The following RNF44 variants were observed in gnomAD, a reference collection of about 807,000 sequenced individuals.
RNF44 encodes ring finger protein 44.
RNF44 carries 25 observed loss-of-function variants against 53.6 expected under a neutral mutation model. The observed-to-expected ratio is 0.47, with a 90% CI of 0.34 to 0.65. The LOEUF (loss-of-function observed/expected upper bound fraction) is 0.65. Ranked by LOEUF, RNF44 falls within the 30% of genes least tolerant of loss-of-function variation. The pLI is 0.01. For synonymous variants in RNF44, 282 were observed against 252.2 expected (o/e 1.12, Z -1.12); for missense variants, 581 against 595.5 (o/e 0.98, Z 0.25).
At chr5:176,543,492 C>T in the RNF44 span, 1 of 152,052 alleles carries the variant, frequency 6.6e-6, no homozygotes, top group South Asian at 2.1e-4. This position sits in a 1 kb window ranked among gnomAD's most constrained non-coding sequence, Gnocchi z 4.0. Context: ...GCCTGGACCG[C>T]ACCACGCGTG....
In RNF44 at chr5:176,530,200, A is replaced by G. The variant is rs777674640; in HGVS notation, c.808T>C (p.Ser270Pro). Residue 270 changes from serine to proline, a missense_variant, in exon 7 of 11, where the codon TCT (serine) becomes CCT (proline). Physicochemically the swap from Ser to Pro is moderately conservative, Grantham distance 74. Coordinates refer to ENST00000274811, the MANE Select transcript of RNF44 (RefSeq NM_014901.5). Reference sequence around the variant, plus strand: ...CTCAGTCTCCGTGGCATCATGTGAGAATATGGCTGCAAGAGGGGCCAGGTG... The same window carrying G: ...CTCAGTCTCCGTGGCATCATGTGAGGATATGGCTGCAAGAGGGGCCAGGTG... The part of the protein sequence containing the change: ...HQELSFGVPY[S>P]HMMPRRLSTQ... 2.3e-6 allele frequency: 3 copies of G among 1,326,082 alleles called. No individual in the cohort carries two copies. The Admixed American group carries it at 1.1e-4, about 51-fold the overall frequency. The allele number at this position is 1,326,082 out of a possible 1,614,324, so 82.1% of individuals were successfully genotyped here.
Position 176,531,747 on chromosome 5 carries a change from GCCTA to G in RNF44, c.298-121_298-118del, listed in dbSNP as rs1756688615. The G allele has an allele frequency of 2.6e-6, 3 of 1,139,120 alleles. No individual in the cohort carries two copies. The highest frequency in any genetic ancestry group is 2.6e-5 in the East Asian group (1 of 38,696). 70.6% of individuals were successfully genotyped at this position (1,139,120 alleles called of 1,614,324 possible). A position where few individuals can be genotyped will look rare whatever the true frequency, so the allele number is the denominator to read the frequency against. ...CGGCTCCCTTCCCTTCTCCACGGCGGCCTACCTCAGTGCAGACCAGACTGTGCCT... is the reference window on the plus strand; with the variant it reads ...CGGCTCCCTTCCCTTCTCCACGGCGGCCTCAGTGCAGACCAGACTGTGCCT... On this transcript the variant is annotated intron_variant, in intron 3 of 10. Transcript: ENST00000274811. The surrounding 1 kb of genome is among the most constrained non-coding windows in gnomAD (Gnocchi z 4.2).
At chr5:176,543,490 C>T in the RNF44 span, 1 of 152,028 alleles carries the variant, frequency 6.6e-6, no homozygotes, top group Non-Finnish European at 1.5e-5. This position sits in a 1 kb window ranked among gnomAD's most constrained non-coding sequence, Gnocchi z 4.0. Flanking sequence ...CTGCCTGGAC[C>T]GCACCACGCG....
At chr5:176,543,354 G>A in the RNF44 span, among the ~76,000 whole-genome samples, 2 of 148,634 alleles carry the variant, frequency 1.3e-5, no homozygotes, top group African/African-American at 2.4e-5. This position sits in a 1 kb window ranked among gnomAD's most constrained non-coding sequence, Gnocchi z 4.0. Context: ...CCCGCGCGCC[G>A]CCTGCCGCGG....
rs542255641 is a variant in RNF44, at chr5:176,532,846, AC to A, written c.-44-331del. Among the ~76,000 whole-genome samples the A allele has an allele frequency of 1.6e-4, 24 of 151,426 alleles. No individual in the cohort carries two copies. In the East Asian group the frequency reaches 4.7e-3, roughly 30 times the overall value. On this transcript the variant is annotated intron_variant, in intron 1 of 10. Coordinates refer to ENST00000274811, the MANE Select transcript of RNF44 (RefSeq NM_014901.5). ...GACAGAACCAAACCTCTGCAGTGTG[AC>A]CCCAGGGACCAATGGTGTTCAGCCG...
rs1277127886 is a variant in RNF44 at position 176,531,372 on chromosome 5, C to T, written c.465+91G>A. On this transcript the variant is annotated intron_variant, in intron 4 of 10. Coordinates refer to ENST00000274811, the MANE Select transcript of RNF44 (RefSeq NM_014901.5). This position sits in a 1 kb window ranked among gnomAD's most constrained non-coding sequence, Gnocchi z 4.2. ...CAGCCTGGATGGCTGGATAGCTCAG[C>T]CCAGTTCAGGGCTGCCCTGGGCCCG... The T allele has an allele frequency of 9.9e-6, 13 of 1,314,612 alleles. 1 individual carries two copies. The Admixed American group carries it at 2.8e-4, about 28-fold the overall frequency. 81.4% of individuals were successfully genotyped at this position (1,314,612 alleles called of 1,614,324 possible). A position where few individuals can be genotyped will look rare whatever the true frequency, so the allele number is the denominator to read the frequency against.
Position 176,532,591 on chromosome 5 carries a change from A to G in RNF44, c.-44-75T>C, listed in dbSNP as rs1756797791. On this transcript the variant is annotated intron_variant, in intron 1 of 10. Transcript: ENST00000274811. The stretch of plus-strand genomic sequence containing the variant: ...AACCTCGTCTCTGCTAAAAATACAA[A>G]AACTAGCCAGGCATGGTGGTGGACA... 3.8e-6 allele frequency: 5 copies of G among 1,305,282 alleles called. No individual in the cohort carries two copies. In the South Asian group the frequency reaches 7.7e-5, roughly 20 times the overall value. 80.9% of individuals were successfully genotyped at this position (1,305,282 alleles called of 1,614,324 possible). A position where few individuals can be genotyped will look rare whatever the true frequency, so the allele number is the denominator to read the frequency against.
In RNF44 at chr5:176,531,127, C is replaced by T; in HGVS notation, c.466-106G>A. On this transcript the variant is annotated intron_variant, in intron 4 of 10. Transcript: ENST00000274811. This position sits in a 1 kb window ranked among gnomAD's most constrained non-coding sequence, Gnocchi z 4.2. Reference sequence around the variant, plus strand: ...CCCCCACCGGGCACACACCCAGCAGCTCCAGGGTCTGTATAAGAAACCCTG... The same window carrying T: ...CCCCCACCGGGCACACACCCAGCAGTTCCAGGGTCTGTATAAGAAACCCTG... 1.2e-6 allele frequency: 1 copy of T among 805,448 alleles called. No individual in the cohort carries two copies. Among genetic ancestry groups the T allele is most frequent in the Non-Finnish European group, 1.8e-6 (1 of 548,952 alleles). The allele number at this position is 805,448 out of a possible 1,614,324, so 49.9% of individuals were successfully genotyped here.
intron 1 of RNF44, among the ~76,000 whole-genome samples, chr5:176,536,646 T>C (rs899720117): frequency 5.3e-5 from 8 of 151,956 alleles, no homozygotes; most frequent in Admixed American, 1.3e-4. Flanking sequence ...TCCCGGACCA[T>C]GTGCTCGGCG....
chr5:176,529,039 C>G lies in RNF44; in HGVS notation c.1288G>C (p.Glu430Gln). Residue 430 changes from glutamate to glutamine, a missense_variant, in exon 11 of 11, where the codon GAG becomes CAG. Physicochemically the swap from Glu to Gln is conservative, Grantham distance 29. Around this residue, in one of 3 missense-constraint regions of RNF44, gnomAD observed 183 missense variants for 198.6 expected, o/e 0.92. Transcript: ENST00000274811. The stretch of plus-strand genomic sequence containing the variant: ...GCGGCTGCGTGGCCTCACTCAGCCT[C>G]CCTGGGCACCTCGGAGGCGTCGGCC... ...CRADASEVPR[E>Q]AE is the part of the protein sequence containing the mutation. The G allele has an allele frequency of 1.2e-6, 2 of 1,612,570 alleles. No individual in the cohort carries two copies. The highest frequency in any genetic ancestry group is 1.7e-6 in the Non-Finnish European group (2 of 1,179,888).
In RNF44 at chr5:176,528,887, C is replaced by T; in HGVS notation, c.*141G>A. The stretch of plus-strand genomic sequence containing the variant: ...CTTATTGCAGGGACTCCTCGCTGGG[C>T]TGACCCTGGCACCAGCTCTGGAAAT... On this transcript the variant is annotated 3_prime_UTR_variant, in exon 11 of 11. Coordinates refer to ENST00000274811, the MANE Select transcript of RNF44 (RefSeq NM_014901.5). The T allele has an allele frequency of 1.3e-6, 1 of 759,332 alleles. No individual in the cohort carries two copies. The highest frequency in any genetic ancestry group is 2.1e-6 in the Non-Finnish European group (1 of 475,772). The allele number at this position is 759,332 out of a possible 1,614,324, so 47.0% of individuals were successfully genotyped here. A position where few individuals can be genotyped will look rare whatever the true frequency, so the allele number is the denominator to read the frequency against.
At chr5:176,530,505 G>A (rs1756541882) in intron 6 of RNF44, 77 bp downstream of exon 6, 2 of 1,332,804 alleles carry the variant, frequency 1.5e-6, no homozygotes, top group Admixed American at 4.0e-5. Flanking sequence ...CTGCCTGGGA[G>A]CCCAGATGCA....
At chr5:176,530,503 G>T in intron 6 of RNF44, 79 bp downstream of exon 6, 1 of 1,331,190 alleles carries the variant, frequency 7.5e-7, no homozygotes, top group Non-Finnish European at 9.7e-7. Flanking sequence ...AGCTGCCTGG[G>T]AGCCCAGATG....
chr5:176,537,013 A>AGGGGGGGGGGGGGGGGGGGGGG lies in RNF44; in HGVS notation c.-119_-118insCCCCCCCCCCCCCCCCCCCCCC, dbSNP rs61169311. ...GGCCAAACTGGGCAGGGGGCGGGGG[A>AGGGGGGGGGGGGGGGGGGGGGG]GGGGGGGGGTGCCTGTCTGGATCCT... On this transcript the variant is annotated 5_prime_UTR_variant, in exon 1 of 11. Coordinates refer to ENST00000274811, the MANE Select transcript of RNF44 (RefSeq NM_014901.5). 2 of 77,458 alleles carry AGGGGGGGGGGGGGGGGGGGGGG rather than the reference A, an allele frequency of 2.6e-5. No individual in the cohort carries two copies. Among genetic ancestry groups the AGGGGGGGGGGGGGGGGGGGGGG allele is most frequent in the African/African-American group, 6.2e-5 (1 of 16,230 alleles). 4.8% of individuals were successfully genotyped at this position (77,458 alleles called of 1,614,324 possible).
rs192714079 is a variant in RNF44, at chr5:176,526,935, C to A, written c.*2093G>T. The A allele has an allele frequency of 1.3e-5, 2 of 152,458 alleles. No individual in the cohort carries two copies. The highest frequency in any genetic ancestry group is 1.9e-4 in the East Asian group (1 of 5,190). The allele number at this position is 152,458 out of a possible 1,614,324, so 9.4% of individuals were successfully genotyped here. A position where few individuals can be genotyped will look rare whatever the true frequency, so the allele number is the denominator to read the frequency against. On this transcript the variant is annotated 3_prime_UTR_variant, in exon 11 of 11. Transcript: ENST00000274811. Reference sequence around the variant, plus strand: ...TGTGAATCCCATGGAATGGAAAAAACCACACATTTAAGCTTTAAGAACCAT... The same window carrying A: ...TGTGAATCCCATGGAATGGAAAAAAACACACATTTAAGCTTTAAGAACCAT...
chr5:176,534,761 C>T (rs1757007916), intron 1 of RNF44, among the ~76,000 whole-genome samples: 1 of 152,220 alleles, frequency 6.6e-6, no homozygotes, highest in Non-Finnish European at 1.5e-5. Context: ...TGAGTCCTCC[C>T]AGCAACACTG....
chr5:176,530,574 G>A lies in RNF44; in HGVS notation c.801+8C>T. 1 of 1,443,004 alleles carries A rather than the reference G, an allele frequency of 6.9e-7. No homozygotes were observed. The highest frequency in any genetic ancestry group is 9.1e-7 in the Non-Finnish European group (1 of 1,099,032). The allele number at this position is 1,443,004 out of a possible 1,614,324, so 89.4% of individuals were successfully genotyped here. The stretch of plus-strand genomic sequence containing the variant: ...TGGAGCCCAGGTGGGGGTCGGGGTG[G>A]CACTCACCACACCAAAGGACAGCTC... On this transcript the variant is annotated splice_region_variant and intron_variant, in intron 6 of 10. Transcript: ENST00000274811.
chr5:176,530,988 C>T lies in RNF44; in HGVS notation c.499G>A (p.Val167Met), dbSNP rs1756608954. Residue 167 changes from valine to methionine, a missense_variant, in exon 5 of 11, where the codon GTG becomes ATG. Transcript: ENST00000274811. ...IQACTMQQLP[V>M]PYQAYPHLIS... ...AGGTGGGGGTAGGCCTGATAGGGCACAGGCAGCTGCTGCATGGTGCACGCC... is the reference window on the plus strand; with the variant it reads ...AGGTGGGGGTAGGCCTGATAGGGCATAGGCAGCTGCTGCATGGTGCACGCC... The T allele has an allele frequency of 4.1e-6, 6 of 1,455,072 alleles. No homozygotes were observed. The highest frequency in any genetic ancestry group is 2.7e-5 in the Admixed American group (1 of 36,752). 90.1% of individuals were successfully genotyped at this position (1,455,072 alleles called of 1,614,324 possible). A position where few individuals can be genotyped will look rare whatever the true frequency, so the allele number is the denominator to read the frequency against.
rs548626435 is a variant in RNF44, at chr5:176,532,206, G to A, written c.108-13C>T. On this transcript the variant is annotated splice_polypyrimidine_tract_variant and intron_variant, in intron 2 of 10. Coordinates refer to ENST00000274811, the MANE Select transcript of RNF44 (RefSeq NM_014901.5). The stretch of plus-strand genomic sequence containing the variant: ...CTCGAGGCCAGGGCTGCACCACAGA[G>A]AGGAGGCCCCGATAGGACTGAGGGG... 31 of 1,502,838 alleles carry A rather than the reference G, an allele frequency of 2.1e-5. No homozygotes were observed. The East Asian group carries it at 6.4e-4, about 31-fold the overall frequency. 93.1% of individuals were successfully genotyped at this position (1,502,838 alleles called of 1,614,324 possible).
Sources: gnomAD v4.1 joint callset for allele counts (sites outside exome capture counted in the v4.1 genomes callset) on GRCh38, gnomAD v4.1.1 for gene constraint, gnomAD v4.1.1 regional missense constraint, Gnocchi (gnomAD v3.1) non-coding constraint, MANE v1.5 for transcripts, NCBI Gene and HGNC (gene_info 2026-07-23, HGNC 2026-07-21) for gene names.